PCDHA5: variants seen among roughly 807,000 people sequenced by gnomAD.
PCDHA5 encodes protocadherin alpha-5.
A neutral mutation model predicts 61.6 loss-of-function variants in PCDHA5; 43 were observed. That is an observed-to-expected ratio of 0.70 (90% CI 0.55 to 0.90). The LOEUF (loss-of-function observed/expected upper bound fraction) is 0.90, where lower values mean the gene tolerates loss of function less well. PCDHA5 is among the 40% of genes least tolerant of loss of function. PCDHA5 has a pLI of 0.00. For missense variants in PCDHA5, 1,298 were observed against 1,222.7 expected (o/e 1.06, Z -0.92); for synonymous variants, 627 against 543.9 (o/e 1.15, Z -2.13).
intron 1 of PCDHA5, chr5:140,967,704 G>A: frequency 6.2e-7 from 1 of 1,614,196 alleles, no homozygotes; most frequent in Non-Finnish European, 8.5e-7. Context: ...ATAGATGCCA[G>A]TACCGGGGAA....
chr5:140,930,798 G>T (rs1339622831), intron 1 of PCDHA5, among the ~76,000 whole-genome samples: 1 of 152,094 alleles, frequency 6.6e-6, no homozygotes, highest in Non-Finnish European at 1.5e-5. Flanking sequence ...ATAGAATCCA[G>T]CATATAAGAT....
intron 1 of PCDHA5, chr5:140,875,499 G>A (rs782342111): frequency 1.9e-6 from 3 of 1,613,354 alleles, no homozygotes; most frequent in Non-Finnish European, 2.5e-6. Context: ...CAAGAGGCCC[G>A]GGATCCCAGC....
chr5:140,880,318 A>G (rs2058303482), intron 1 of PCDHA5, among the ~76,000 whole-genome samples: 1 of 152,268 alleles, frequency 6.6e-6, no homozygotes, highest in Admixed American at 6.5e-5. Context: ...CAAGTAAAAA[A>G]TAAGATACTA....
chr5:140,853,921 C>T (rs2042909522), intron 1 of PCDHA5: 2 of 921,152 alleles, frequency 2.2e-6, no homozygotes, highest in African/African-American at 1.8e-5. Flanking sequence ...GCAATCCCAA[C>T]ATTTTGGGAG....
chr5:140,823,703 G>A lies in PCDHA5; in HGVS notation c.1928G>A (p.Arg643His). Residue 643 changes from arginine (R) to histidine (H), a missense_variant, in exon 1 of 4, where the codon CGC becomes CAC. Arg to His is a conservative substitution (Grantham distance 29). Transcript: ENST00000529859. The stretch of plus-strand genomic sequence containing the variant: ...TCTCTGGATGAGACCGAAGCACCGC[G>A]CCACCGCCTTCTGGTGCTGGTGAAG... ...TRSLDETEAPRHRLLVLVKDH... is the reference protein window; with the variant it reads ...TRSLDETEAPHHRLLVLVKDH... 1.2e-6 allele frequency: 2 copies of A among 1,613,934 alleles called. No individual in the cohort carries two copies. Among genetic ancestry groups the A allele is most frequent in the South Asian group, 2.2e-5 (2 of 91,078 alleles).
intron 1 of PCDHA5, among the ~76,000 whole-genome samples, chr5:140,831,441 C>T (rs2150194454): frequency 8.6e-5 from 13 of 151,182 alleles, no homozygotes; most frequent in Non-Finnish European, 1.8e-4. Flanking sequence ...CTCACTGCAC[C>T]CTCGAATGCC....
At chr5:140,862,820 G>A (rs782106101) in intron 1 of PCDHA5, 2 of 574,854 alleles carry the variant, frequency 3.5e-6, no homozygotes, top group Non-Finnish European at 6.7e-6. Context: ...TTCTAGGTGA[G>A]AGCGCGCGAC....
chr5:140,847,199 C>A (rs2150397998), intron 1 of PCDHA5, among the ~76,000 whole-genome samples: 1 of 149,422 alleles, frequency 6.7e-6, no homozygotes, highest in Non-Finnish European at 1.5e-5. Context: ...AGGAATTTGG[C>A]CACTCTTTAG....
In PCDHA5 at chr5:141,009,991, T is replaced by G. The variant is rs929729966; in HGVS notation, c.*54T>G. Reference sequence around the variant, plus strand: ...CCAGTTTTTGTAATAATGGCAAATCTCTCCCATGTAGCAATTCCCTGCTCC... The same window carrying G: ...CCAGTTTTTGTAATAATGGCAAATCGCTCCCATGTAGCAATTCCCTGCTCC... On this transcript the variant is annotated 3_prime_UTR_variant, in exon 4 of 4. Coordinates refer to ENST00000529859, the MANE Select transcript of PCDHA5 (RefSeq NM_018908.3). 13 of 1,578,088 alleles carry G rather than the reference T, an allele frequency of 8.2e-6. No individual in the cohort carries two copies. In the East Asian group the frequency reaches 2.5e-4, roughly 30 times the overall value.
chr5:140,860,827 T>G (rs1554153817), intron 1 of PCDHA5: 6 of 152,210 alleles, frequency 3.9e-5, no homozygotes, highest in Admixed American at 2.6e-4. Context: ...AAGCTCCGCC[T>G]CCCAGGTTCA....
intron 1 of PCDHA5, among the ~76,000 whole-genome samples, chr5:140,895,520 A>G (rs1053295495): frequency 6.6e-6 from 1 of 152,116 alleles, no homozygotes; most frequent in South Asian, 2.1e-4. Context: ...TAATTGGTTT[A>G]TTCGTTTTTC....
intron 1 of PCDHA5, among the ~76,000 whole-genome samples, chr5:140,931,894 A>G (rs1242530874): frequency 1.3e-5 from 2 of 151,966 alleles, no homozygotes; most frequent in African/African-American, 4.8e-5. Flanking sequence ...TTTTATTTCA[A>G]ATCATTTGAA....
chr5:140,843,417 A>G, intron 1 of PCDHA5: 1 of 1,595,970 alleles, frequency 6.3e-7, no homozygotes, highest in South Asian at 1.1e-5. Context: ...GTCAACGTGT[A>G]CCTGATCATC....
At chr5:140,830,117 C>G in intron 1 of PCDHA5, 1 of 1,613,510 alleles carries the variant, frequency 6.2e-7, no homozygotes, top group Non-Finnish European at 8.5e-7. Context: ...TGGCCAGGCT[C>G]CAAAGGCGTC....
At chr5:140,873,008 A>G (rs1455373788) in intron 1 of PCDHA5, among the ~76,000 whole-genome samples, 2 of 152,166 alleles carry the variant, frequency 1.3e-5, no homozygotes, top group African/African-American at 4.8e-5. Flanking sequence ...GTCATTCTTC[A>G]TATTTAGTTA....
chr5:140,907,782 G>A (rs1285928394), intron 1 of PCDHA5, among the ~76,000 whole-genome samples: 1 of 152,158 alleles, frequency 6.6e-6, no homozygotes, highest in African/African-American at 2.4e-5. Flanking sequence ...AGGGGTGGCT[G>A]GGGAAAGAGG....
chr5:140,883,137 T>C (rs2153390787), intron 1 of PCDHA5: 1 of 1,614,036 alleles, frequency 6.2e-7, no homozygotes, highest in Admixed American at 1.7e-5. Flanking sequence ...CCTGCAGTGG[T>C]ATATGCATTT....
chr5:140,822,315 T>TGTTAAAAC lies in PCDHA5; in HGVS notation c.541_548dup (p.Asn184LeufsTer11), dbSNP rs1562263935. On this transcript the variant is annotated frameshift_variant, in exon 1 of 4. Coordinates refer to ENST00000529859, the MANE Select transcript of PCDHA5 (RefSeq NM_018908.3). LOFTEE classifies it high-confidence loss of function. Reference sequence around the variant, plus strand: ...ATCCAAACGAATATTTTGACTTAGATGTTAAAACAAATGAAGAAGAAACGA... The same window carrying TGTTAAAAC: ...ATCCAAACGAATATTTTGACTTAGATGTTAAAACGTTAAAACAAATGAAGAAGAAACGA... 6.2e-7 allele frequency: 1 copy of TGTTAAAAC among 1,614,082 alleles called. No individual in the cohort carries two copies. The highest frequency in any genetic ancestry group is 1.7e-5 in the Admixed American group (1 of 60,006).
chr5:140,912,878 T>C (rs2076104558), intron 1 of PCDHA5, among the ~76,000 whole-genome samples: 1 of 152,236 alleles, frequency 6.6e-6, no homozygotes, highest in Non-Finnish European at 1.5e-5. Flanking sequence ...GTTTTTGGTC[T>C]TCATTCTGTT....
Sources: gnomAD v4.1 joint callset for allele counts (sites outside exome capture counted in the v4.1 genomes callset) on GRCh38, gnomAD v4.1.1 for gene constraint, MANE v1.5 for transcripts, NCBI Gene and HGNC (gene_info 2026-07-23, HGNC 2026-07-21) for gene names.